Variants in UBN1 observed in about 807,000 individuals in gnomAD.
UBN1 encodes ubinuclein 1.
Under a neutral mutation model 108.5 loss-of-function variants are expected in UBN1, and 17 were observed. That is an observed-to-expected ratio of 0.16 (90% CI 0.11 to 0.24). The LOEUF (loss-of-function observed/expected upper bound fraction) is 0.24. UBN1 is among the 10% of genes least tolerant of loss of function. The pLI, the probability that UBN1 is intolerant of heterozygous loss-of-function variation, is 1.00. For missense variants in UBN1, 1,595 were observed against 1,394.4 expected, an observed-to-expected ratio of 1.14 and a Z score of -2.29; for synonymous variants, 726 against 564.2, an observed-to-expected ratio of 1.29 and a Z score of -4.07.
chr16:4,869,499 T>C (rs1448364999), intron 8 of UBN1, among the ~76,000 whole-genome samples: 1 of 152,224 alleles, frequency 6.6e-6, no homozygotes, highest in Non-Finnish European at 1.5e-5. Context: ...TTGCCGCTTT[T>C]CTCCTGGTTG....
Position 4,852,951 on chromosome 16 carries a change from C to G in UBN1, c.34C>G (p.Leu12Val). The G allele has an allele frequency of 6.2e-7, 1 of 1,614,204 alleles. No individual in the cohort carries two copies. The highest frequency in any genetic ancestry group is 8.5e-7 in the Non-Finnish European group (1 of 1,180,042). The part of the protein sequence containing the change: ...SEPHRVQFTS[L>V]PGSLNPAFLK... ...GCCCCACAGGGTCCAGTTCACCTCT[C>G]TCCCAGGTTCCCTGAATCCTGCGTT... Residue 12 changes from leucine to valine, a missense_variant, in exon 2 of 18, where the codon CTC becomes GTC. This residue lies in a region of UBN1 where 181 missense variants were observed against 157.3 expected (regional missense o/e 1.15). Transcript: ENST00000262376.
At position 4,853,008 on chromosome 16, in the gene UBN1, G is replaced by A. The variant is rs896012810; in HGVS notation, c.91G>A (p.Ala31Thr). The change falls in exon 2 of 18, where the codon GCA (alanine) becomes ACA (threonine). Residue 31 changes from alanine to threonine, a missense_variant. Ala to Thr is a moderately conservative substitution (Grantham distance 58, BLOSUM62 0). Transcript: ENST00000262376. ...LKKSRKEEAG[A>T]GEQHQDCEPA... ...GAAGTCCCGGAAGGAGGAGGCTGGGGCAGGAGAACAGCATCAGGACTGTGA... is the reference window on the plus strand; with the variant it reads ...GAAGTCCCGGAAGGAGGAGGCTGGGACAGGAGAACAGCATCAGGACTGTGA... 8 of 1,614,102 alleles carry A rather than the reference G, an allele frequency of 5.0e-6. No individual in the cohort carries two copies. In the African/African-American group the frequency reaches 8.0e-5, roughly 16 times the overall value.
chr16:4,858,329 C>G (rs2086903194), intron 3 of UBN1, among the ~76,000 whole-genome samples: 3 of 152,128 alleles, frequency 2.0e-5, no homozygotes, highest in Non-Finnish European at 2.9e-5. Context: ...TATTTTGGTA[C>G]AAAGCATAAG....
chr16:4,874,542 G>A lies in UBN1; in HGVS notation c.2132G>A (p.Cys711Tyr), dbSNP rs1349679752. The change falls in exon 15 of 18, where the codon TGT becomes TAT. Residue 711 changes from cysteine to tyrosine, a missense_variant. Coordinates refer to ENST00000262376, the MANE Select transcript of UBN1 (RefSeq NM_001079514.3). ...APAEKVGGVL[C>Y]TEEKRNFAKP... ...GCAGAAAAAGTTGGAGGCGTTTTAT[G>A]TACAGAAGAAAAAAGGAACTTTGCG... 14 of 1,614,206 alleles carry A rather than the reference G, an allele frequency of 8.7e-6. No homozygotes were observed. Among genetic ancestry groups the A allele is most frequent in the East Asian group, 2.2e-5 (1 of 44,878 alleles).
At position 4,847,502 on chromosome 16, in the gene UBN1, G is replaced by A. The variant is rs1440220372; in HGVS notation, c.-748G>A. On this transcript the variant is annotated 5_prime_UTR_variant, in exon 1 of 18. Transcript: ENST00000262376. The stretch of plus-strand genomic sequence containing the variant: ...TCCCGGCTCCTTCCCCCTCCCTTCG[G>A]CTCGTGACAACGAAGCGCCCGCGGT... 4.6e-5 allele frequency: 25 copies of A among 545,628 alleles called. No homozygotes were observed. Among genetic ancestry groups the A allele is most frequent in the East Asian group, 2.2e-4 (6 of 27,568 alleles). The allele number at this position is 545,628 out of a possible 1,614,324, so 33.8% of individuals were successfully genotyped here. A position where few individuals can be genotyped will look rare whatever the true frequency, so the allele number is the denominator to read the frequency against.
chr16:4,869,897 C>G (rs1228237467), intron 8 of UBN1, among the ~76,000 whole-genome samples: 2 of 152,180 alleles, frequency 1.3e-5, no homozygotes, highest in African/African-American at 4.8e-5. Context: ...TCATGACTTT[C>G]CACTTTGAAA....
rs77346977 is a variant in UBN1 at position 4,871,367 on chromosome 16, C to T, written c.1706+66C>T. 140 of 1,559,086 alleles carry T rather than the reference C, an allele frequency of 9.0e-5. No individual in the cohort carries two copies. The African/African-American group carries it at 1.7e-3, about 19-fold the overall frequency. ...ACACGTTTGAACGCTGCTTTTGTGC[C>T]AGGCCAACAGGATCCTTGCTCACAG... is the stretch of plus-strand genomic sequence containing the variant. On this transcript the variant is annotated intron_variant, in intron 12 of 17. Coordinates refer to ENST00000262376, the MANE Select transcript of UBN1 (RefSeq NM_001079514.3).
chr16:4,876,529 G>A (rs762678275), intron 15 of UBN1, among the ~76,000 whole-genome samples: 3 of 151,260 alleles, frequency 2.0e-5, no homozygotes, highest in Non-Finnish European at 4.4e-5. Flanking sequence ...CCTTCACAAA[G>A]GAGGCTTTTT....
chr16:4,859,228 C>T lies in UBN1; in HGVS notation c.567+69C>T. The T allele has an allele frequency of 1.9e-6, 3 of 1,569,796 alleles. 1 individual carries two copies. In the Admixed American group the frequency reaches 5.5e-5, roughly 29 times the overall value. ...GTGACCCTATCAGATCAGTAGGTGA[C>T]TTGCCAGAATACGTGGCGCTTGGCC... On this transcript the variant is annotated intron_variant, in intron 5 of 17. Coordinates refer to ENST00000262376, the MANE Select transcript of UBN1 (RefSeq NM_001079514.3).
chr16:4,879,378 A>G (rs1477093281), intron 17 of UBN1, among the ~76,000 whole-genome samples: 2 of 151,596 alleles, frequency 1.3e-5, no homozygotes, highest in African/African-American at 2.4e-5. Context: ...ATCAGAGGGT[A>G]TAGTGTGCTG....
At chr16:4,851,833 A>G (rs960446854) in intron 1 of UBN1, among the ~76,000 whole-genome samples, 11 of 152,148 alleles carry the variant, frequency 7.2e-5, no homozygotes, top group Admixed American at 6.5e-5. Flanking sequence ...AAAAAAAAAG[A>G]AAAAAGTTAA....
intron 15 of UBN1, among the ~76,000 whole-genome samples, chr16:4,875,905 T>G (rs1284762438): frequency 6.6e-6 from 1 of 152,190 alleles, no homozygotes; most frequent in Non-Finnish European, 1.5e-5. Flanking sequence ...GCATCTCGCT[T>G]GTGTGTAATC....
chr16:4,855,427 C>G (rs1356515772), intron 2 of UBN1, among the ~76,000 whole-genome samples: 1 of 151,890 alleles, frequency 6.6e-6, no homozygotes, highest in Non-Finnish European at 1.5e-5. Context: ...CTAGCCTGGG[C>G]AACATAGTGA....
At chr16:4,867,200 T>C (rs2087376820) in intron 7 of UBN1, among the ~76,000 whole-genome samples, 1 of 152,092 alleles carries the variant, frequency 6.6e-6, no homozygotes, top group Admixed American at 6.6e-5. Context: ...GTGCAATTAT[T>C]AGAAGTGGGG....
intron 7 of UBN1, among the ~76,000 whole-genome samples, chr16:4,865,863 G>A (rs1201406163): frequency 6.6e-6 from 1 of 152,140 alleles, no homozygotes; most frequent in Non-Finnish European, 1.5e-5. Context: ...TCAGGAGGCT[G>A]AGGCAGGAGA....
intron 1 of UBN1, among the ~76,000 whole-genome samples, chr16:4,850,683 T>C (rs1243259364): frequency 5.3e-5 from 8 of 152,250 alleles, no homozygotes; most frequent in Admixed American, 6.5e-5. Flanking sequence ...TCTTCATTTG[T>C]AGATATTTTG....
chr16:4,853,596 C>T (rs556616731), intron 2 of UBN1, among the ~76,000 whole-genome samples: 24 of 148,708 alleles, frequency 1.6e-4, no homozygotes, highest in East Asian at 4.0e-4. Context: ...CTCGCCCTGT[C>T]GTCCAGGCTG....
Position 4,880,315 on chromosome 16 carries a change from T to A in UBN1, c.*183T>A, listed in dbSNP as rs2088040961. 1.5e-6 allele frequency: 1 copy of A among 655,288 alleles called. No individual in the cohort carries two copies. The highest frequency in any genetic ancestry group is 2.7e-6 in the Non-Finnish European group (1 of 375,940). 40.6% of individuals were successfully genotyped at this position (655,288 alleles called of 1,614,324 possible). ...CCCATGGAGGGAGCCGGGCCCTTGC[T>A]GCTCAGGAGGTGCAGACTGCCCCGT... On this transcript the variant is annotated 3_prime_UTR_variant, in exon 18 of 18. Coordinates refer to ENST00000262376, the MANE Select transcript of UBN1 (RefSeq NM_001079514.3).
rs1281493205 is a variant in UBN1, at chr16:4,872,457, TG to T, written c.1707-421del. On this transcript the variant is annotated intron_variant, in intron 12 of 17. Transcript: ENST00000262376. ...CCATTGACCTTTTTTTTTGTGTGTG[TG>T]GGGGGTGGGTGGGCATGGTGGGGGG... is the stretch of plus-strand genomic sequence containing the variant. 3 of 17,788 alleles carry T rather than the reference TG, an allele frequency of 1.7e-4. No homozygotes were observed. In the East Asian group the frequency reaches 6.9e-3, roughly 41 times the overall value. 1.1% of individuals were successfully genotyped at this position (17,788 alleles called of 1,614,324 possible).
Sources: gnomAD v4.1 joint callset for allele counts (sites outside exome capture counted in the v4.1 genomes callset) on GRCh38, gnomAD v4.1.1 for gene constraint, gnomAD v4.1.1 regional missense constraint, MANE v1.5 for transcripts, NCBI Gene and HGNC (gene_info 2026-07-23, HGNC 2026-07-21) for gene names.